CEBPZOS: variants seen among roughly 807,000 people sequenced by gnomAD.
CEBPZOS encodes protein CEBPZOS.
CEBPZOS carries 10 observed loss-of-function variants against 4.8 expected under a neutral mutation model. That is an observed-to-expected ratio of 2.07 (90% CI 1.28 to 3.52). The LOEUF (loss-of-function observed/expected upper bound fraction) is 3.52. Ranked by LOEUF, CEBPZOS falls within the 30% of genes most tolerant of loss-of-function variation. The probability of loss-of-function intolerance (pLI) is 0.00; values close to 1 mark genes in which losing one functional copy is unlikely to be tolerated. For synonymous variants in CEBPZOS, 25 were observed against 14.2 expected (o/e 1.77, Z -1.72); for missense variants, 98 against 43.6 (o/e 2.25, Z -3.51).
At chr2:37,209,543 AG>A (rs1347968161), downstream of CEBPZOS, 1 of 152,246 alleles carries the variant, frequency 6.6e-6, no homozygotes, top group Non-Finnish European at 1.5e-5. Context: ...AAGTGGGGAA[AG>A]GACACCCTAT....
Position 37,201,647 on chromosome 2 carries a change from T to A in CEBPZOS, c.166T>A (p.Tyr56Asn). ...AGAGCTATTTTTATTTATAGTTTATTACAAATCCACTGAGAAGTCTGGAAT... is the reference window on the plus strand; with the variant it reads ...AGAGCTATTTTTATTTATAGTTTATAACAAATCCACTGAGAAGTCTGGAAT... ...KKYPFILEVYYKSTEKSGMYG... is the reference protein window; with the variant it reads ...KKYPFILEVYNKSTEKSGMYG... The change falls in exon 4 of 5, where the codon TAC becomes AAC. Residue 56 changes from tyrosine (Y) to asparagine (N), a missense_variant. Tyr to Asn is a moderately radical substitution (Grantham distance 143, BLOSUM62 -2). Transcript: ENST00000402297. 1.4e-6 allele frequency: 1 copy of A among 740,074 alleles called. No individual in the cohort carries two copies. The highest frequency in any genetic ancestry group is 2.4e-6 in the Non-Finnish European group (1 of 414,060). The allele number at this position is 740,074 out of a possible 1,614,324, so 45.8% of individuals were successfully genotyped here.
At position 37,203,402 on chromosome 2, in the gene CEBPZOS, G is replaced by C. The variant is rs571838090; in HGVS notation, c.*1542G>C. The stretch of plus-strand genomic sequence containing the variant: ...TCTTTAGATTGTAAAGAAATTGACT[G>C]AAAGTATGTTTATTATGCTATAAAT... On this transcript the variant is annotated 3_prime_UTR_variant, in exon 5 of 5. Coordinates refer to ENST00000402297, the MANE Select transcript of CEBPZOS (RefSeq NM_001322374.2). 2.5e-4 allele frequency: 38 copies of C among 153,844 alleles called. No homozygotes were observed. The highest frequency in any genetic ancestry group is 5.3e-4 in the Non-Finnish European group (37 of 69,362). The allele number at this position is 153,844 out of a possible 1,614,324, so 9.5% of individuals were successfully genotyped here.
In CEBPZOS at chr2:37,202,452, C is replaced by G. The variant is rs935409671; in HGVS notation, c.*592C>G. On this transcript the variant is annotated 3_prime_UTR_variant, in exon 5 of 5. Transcript: ENST00000402297. Reference sequence around the variant, plus strand: ...TTGAGGTCAGGAGTTCGAGACCAGCCTGGCCAACATGGTGAAACCCTGTTT... The same window carrying G: ...TTGAGGTCAGGAGTTCGAGACCAGCGTGGCCAACATGGTGAAACCCTGTTT... 5.5e-6 allele frequency: 1 copy of G among 182,590 alleles called. No homozygotes were observed. Among genetic ancestry groups the G allele is most frequent in the Admixed American group, 6.1e-5 (1 of 16,370 alleles). 11.3% of individuals were successfully genotyped at this position (182,590 alleles called of 1,614,324 possible).
chr2:37,212,643 A>G (rs1339769594), intron 4 of CEBPZOS: 2 of 504,830 alleles, frequency 4.0e-6, no homozygotes, highest in African/African-American at 1.9e-5. Flanking sequence ...TCTTTTATGG[A>G]AAGAGGATAA....
chr2:37,211,086 T>A (rs765457339), intron 4 of CEBPZOS: 43 of 1,600,188 alleles, frequency 2.7e-5, no homozygotes, highest in East Asian at 2.2e-4. Context: ...TCAAGTTCTG[T>A]TACACGAAAA....
intron 2 of CEBPZOS, among the ~76,000 whole-genome samples, chr2:37,200,832 G>A (rs1010273981): frequency 6.6e-6 from 1 of 152,176 alleles, no homozygotes; most frequent in African/African-American, 2.4e-5. Context: ...GATTGTGACT[G>A]TGCCACTGTA....
intron 4 of CEBPZOS, chr2:37,212,371 C>G (rs1677749717): frequency 6.2e-7 from 1 of 1,613,456 alleles, no homozygotes; most frequent in Non-Finnish European, 8.5e-7. Context: ...AGAGCTGAAA[C>G]AGTTATCATC....
At chr2:37,196,757 G>GC (rs1192799669) in intron 1 of CEBPZOS, 1 of 152,304 alleles carries the variant, frequency 6.6e-6, no homozygotes, top group Non-Finnish European at 1.5e-5. Context: ...GCAGGCCCGG[G>GC]CCTAGCGTTC....
chr2:37,205,972 G>A (rs1677525912), downstream of CEBPZOS, among the ~76,000 whole-genome samples: 1 of 152,212 alleles, frequency 6.6e-6, no homozygotes, highest in Non-Finnish European at 1.5e-5. Context: ...GATAACAGGT[G>A]TCTGAAAAAT....
downstream of CEBPZOS, among the ~76,000 whole-genome samples, chr2:37,206,911 C>A (rs923590370): frequency 2.0e-5 from 3 of 152,072 alleles, no homozygotes; most frequent in Non-Finnish European, 2.9e-5. Flanking sequence ...AGGAGACTCA[C>A]GTAACACATA....
chr2:37,214,387 A>G (rs753550111), downstream of CEBPZOS, among the ~76,000 whole-genome samples: 29 of 152,288 alleles, frequency 1.9e-4, no homozygotes, highest in Non-Finnish European at 3.5e-4. Context: ...ACTTATTTCT[A>G]TAACAGTGCA....
downstream of CEBPZOS, among the ~76,000 whole-genome samples, chr2:37,207,165 A>G (rs866735500): frequency 2.0e-5 from 3 of 152,234 alleles, no homozygotes; most frequent in South Asian, 2.1e-4. Context: ...CATTACTACT[A>G]GACCTAAGAA....
rs112140426 is a variant in CEBPZOS at position 37,202,129 on chromosome 2, A to G, written c.*269A>G. On this transcript the variant is annotated 3_prime_UTR_variant, in exon 5 of 5. Transcript: ENST00000402297. Reference sequence around the variant, plus strand: ...AGGAAGGAAAAGAAACAAATGCTCTAAAGATTTTCTCTCCCCAAGCACTTT... The same window carrying G: ...AGGAAGGAAAAGAAACAAATGCTCTGAAGATTTTCTCTCCCCAAGCACTTT... The G allele has an allele frequency of 2.3e-5, 8 of 344,372 alleles. No individual in the cohort carries two copies. Among genetic ancestry groups the G allele is most frequent in the African/African-American group, 1.5e-4 (7 of 47,558 alleles). The allele number at this position is 344,372 out of a possible 1,614,324, so 21.3% of individuals were successfully genotyped here. A position where few individuals can be genotyped will look rare whatever the true frequency, so the allele number is the denominator to read the frequency against.
downstream of CEBPZOS, among the ~76,000 whole-genome samples, chr2:37,214,189 A>C (rs952748498): frequency 2.0e-5 from 3 of 152,212 alleles, no homozygotes; most frequent in Non-Finnish European, 2.9e-5. Context: ...ATATTTTATC[A>C]GCCCTATTCT....
rs201959156 is a variant in CEBPZOS, at chr2:37,210,965, C to G, written c.*3-2472C>G. The G allele has an allele frequency of 4.0e-6, 6 of 1,489,030 alleles. No individual in the cohort carries two copies. In the Admixed American group the frequency reaches 5.5e-5, roughly 14 times the overall value. 92.2% of individuals were successfully genotyped at this position (1,489,030 alleles called of 1,614,324 possible). ...GATAATGACACCTTTCACATGGACA[C>G]TGCTTTTAAAAGATATTAAATGTAT... On this transcript the variant is annotated intron_variant, in intron 4 of 4. Transcript: ENST00000397064.
At position 37,203,499 on chromosome 2, in the gene CEBPZOS, C is replaced by T. The variant is rs1407972958; in HGVS notation, c.*1639C>T. Reference sequence around the variant, plus strand: ...TTATCTGTAGTACTGAATATATAAACTTTTCCTGAAACAATTATTCAAACT... The same window carrying T: ...TTATCTGTAGTACTGAATATATAAATTTTTCCTGAAACAATTATTCAAACT... On this transcript the variant is annotated 3_prime_UTR_variant, in exon 5 of 5. Coordinates refer to ENST00000402297, the MANE Select transcript of CEBPZOS (RefSeq NM_001322374.2). 1 of 152,078 alleles carries T rather than the reference C, an allele frequency of 6.6e-6. No homozygotes were observed. The highest frequency in any genetic ancestry group is 1.9e-4 in the East Asian group (1 of 5,192). The allele number at this position is 152,078 out of a possible 1,614,324, so 9.4% of individuals were successfully genotyped here.
intron 1 of CEBPZOS, 125 bp from the exon 2 acceptor site, chr2:37,199,579 A>G (rs980434847): frequency 1.7e-6 from 1 of 584,566 alleles, no homozygotes; most frequent in Non-Finnish European, 3.1e-6. Context: ...ATACCATAGT[A>G]TTGGTCTTAC....
intron 4 of CEBPZOS, 21 bp downstream of exon 4, chr2:37,201,747 T>A (rs759125495): frequency 7.7e-6 from 10 of 1,290,644 alleles, no homozygotes; most frequent in Non-Finnish European, 1.1e-5. Context: ...TTTTAATCTA[T>A]AATTTACATT....
downstream of CEBPZOS, among the ~76,000 whole-genome samples, chr2:37,208,410 A>ACCAACT (rs1677609720): frequency 6.6e-6 from 1 of 152,196 alleles, no homozygotes; most frequent in Admixed American, 6.5e-5. Context: ...ATACTAGCTA[A>ACCAACT]CCAACTCCAA....
Sources: allele counts gnomAD v4.1 joint callset (sites outside exome capture counted in the v4.1 genomes callset), GRCh38; gene constraint gnomAD v4.1.1; transcripts MANE v1.5; gene names NCBI Gene and HGNC (gene_info 2026-07-23, HGNC 2026-07-21).